UBFD1: variants seen among roughly 807,000 people sequenced by gnomAD.
The protein encoded by UBFD1 is ubiquitin family domain containing 1.
UBFD1 carries 12 observed loss-of-function variants against 35.1 expected under a neutral mutation model. The observed-to-expected ratio is 0.34, with a 90% CI of 0.22 to 0.55. The LOEUF (loss-of-function observed/expected upper bound fraction) is 0.55. Ranked by LOEUF, UBFD1 falls within the 20% of genes least tolerant of loss-of-function variation. UBFD1 has a pLI of 0.89. For missense variants in UBFD1, 337 were observed against 410.8 expected (o/e 0.82, Z 1.55); for synonymous variants, 178 against 167.6 (o/e 1.06, Z -0.48).
rs1966071043 is a variant in UBFD1 at position 23,570,673 on chromosome 16, G to C, written c.*83G>C. Reference sequence around the variant, plus strand: ...AGGCCTGCAGCATCCCTGGATTTCAGAGTTCTGGAACTTTGTTCATAAAAA... The same window carrying C: ...AGGCCTGCAGCATCCCTGGATTTCACAGTTCTGGAACTTTGTTCATAAAAA... On this transcript the variant is annotated 3_prime_UTR_variant, in exon 7 of 7. Transcript: ENST00000395878. 8.6e-7 allele frequency: 1 copy of C among 1,159,572 alleles called. No homozygotes were observed. Among genetic ancestry groups the C allele is most frequent in the Non-Finnish European group, 1.3e-6 (1 of 787,848 alleles). The allele number at this position is 1,159,572 out of a possible 1,614,324, so 71.8% of individuals were successfully genotyped here.
rs1469086029 is a variant in UBFD1 at position 23,562,355 on chromosome 16, C to T, written c.630+84C>T. ...AGGTTCCTCCAATCCTGTCCCTTCT[C>T]TTTTTTCCCTGTTTTTTTTTTTTTG... is the stretch of plus-strand genomic sequence containing the variant. On this transcript the variant is annotated intron_variant, in intron 4 of 6. Transcript: ENST00000395878. The T allele has an allele frequency of 1.3e-5, 17 of 1,277,574 alleles. 1 individual carries two copies. In the East Asian group the frequency reaches 2.7e-4, roughly 20 times the overall value. The allele number at this position is 1,277,574 out of a possible 1,614,324, so 79.1% of individuals were successfully genotyped here. A position where few individuals can be genotyped will look rare whatever the true frequency, so the allele number is the denominator to read the frequency against.
intron 6 of UBFD1, chr16:23,569,183 A>G (rs1022688703): frequency 1.3e-5 from 2 of 152,206 alleles, no homozygotes; most frequent in Admixed American, 1.3e-4. Flanking sequence ...CTATTTCTCT[A>G]GCTAAATTAA....
chr16:23,570,336 G>T, intron 6 of UBFD1, 144 bp from the exon 7 acceptor site: 2 of 647,956 alleles, frequency 3.1e-6, no homozygotes, highest in Non-Finnish European at 5.4e-6. Context: ...TTTTGGTTGG[G>T]AGAATGCTCC....
At chr16:23,561,074 A>G (rs1408774713) in intron 3 of UBFD1, among the ~76,000 whole-genome samples, 1 of 152,224 alleles carries the variant, frequency 6.6e-6, no homozygotes, top group Non-Finnish European at 1.5e-5. Context: ...AAGGTACTTG[A>G]AAGGTGTGAC....
chr16:23,571,110 GATTCAGATT>G lies in UBFD1; in HGVS notation c.*521_*529del, dbSNP rs1368557870. ...AGTAAGCCACATATTTCTGTCCATTGATTCAGATTTAATTCTTTCCCTTTTTCATTCTCT... is the reference window on the plus strand; with the variant it reads ...AGTAAGCCACATATTTCTGTCCATTGTAATTCTTTCCCTTTTTCATTCTCT... On this transcript the variant is annotated 3_prime_UTR_variant, in exon 7 of 7. Transcript: ENST00000395878. The G allele has an allele frequency of 6.6e-6, 1 of 152,210 alleles. No individual in the cohort carries two copies. Among genetic ancestry groups the G allele is most frequent in the Admixed American group, 6.6e-5 (1 of 15,244 alleles). 9.4% of individuals were successfully genotyped at this position (152,210 alleles called of 1,614,324 possible).
intron 5 of UBFD1, 104 bp downstream of exon 5, chr16:23,562,834 C>A: frequency 1.0e-6 from 1 of 967,826 alleles, no homozygotes; most frequent in Non-Finnish European, 1.6e-6. Context: ...AAACCTCTCT[C>A]TCCACTGTGC....
In UBFD1 at chr16:23,570,708, C is replaced by A; in HGVS notation, c.*118C>A. On this transcript the variant is annotated 3_prime_UTR_variant, in exon 7 of 7. Transcript: ENST00000395878. ...ACTTTGTTCATAAAAAATCTATATT[C>A]AATCTGAGGTGATGTGGTGACTGAA... 1 of 776,136 alleles carries A rather than the reference C, an allele frequency of 1.3e-6. No homozygotes were observed. Among genetic ancestry groups the A allele is most frequent in the Non-Finnish European group, 2.1e-6 (1 of 482,974 alleles). The allele number at this position is 776,136 out of a possible 1,614,324, so 48.1% of individuals were successfully genotyped here.
intron 3 of UBFD1, 166 bp downstream of exon 3, chr16:23,559,842 GA>G: frequency 6.5e-7 from 1 of 1,538,120 alleles, no homozygotes; most frequent in Non-Finnish European, 8.7e-7. Context: ...AACTACCTGA[GA>G]TTTGCAACTT....
intron 2 of UBFD1, chr16:23,559,213 G>T: frequency 2.8e-6 from 1 of 358,338 alleles, no homozygotes; most frequent in African/African-American, 2.1e-5. Flanking sequence ...ATTATTCAAT[G>T]CTAGCCACCG....
At chr16:23,567,317 CTT>C (rs1261834770) in intron 6 of UBFD1, among the ~76,000 whole-genome samples, 1 of 152,238 alleles carries the variant, frequency 6.6e-6, no homozygotes, top group African/African-American at 2.4e-5. Context: ...TCTCTTACCT[CTT>C]TTAGAAAAGT....
At chr16:23,560,454 T>C (rs1965914489) in intron 3 of UBFD1, among the ~76,000 whole-genome samples, 1 of 152,182 alleles carries the variant, frequency 6.6e-6, no homozygotes, top group Non-Finnish European at 1.5e-5. Flanking sequence ...CTCAACTGTG[T>C]CTGAAGTAGA....
At chr16:23,565,589 C>G (rs981011414) in intron 5 of UBFD1, 14 of 152,288 alleles carry the variant, frequency 9.2e-5, no homozygotes, top group Admixed American at 3.9e-4. Context: ...TTAGGGCCGA[C>G]TGTTGTAGAG....
chr16:23,559,618 C>T lies in UBFD1; in HGVS notation c.506C>T (p.Ala169Val), dbSNP rs780806967. Residue 169 changes from alanine to valine, a missense_variant, in exon 3 of 7, where the codon GCT (alanine) becomes GTT (valine). Physicochemically the swap from Ala to Val is moderately conservative, Grantham distance 64. Around this residue, in one of 4 missense-constraint regions of UBFD1, gnomAD observed 44 missense variants for 39.2 expected, o/e 1.12. Transcript: ENST00000395878. ...DVLAVNTPKD[A>V]AQQDAKAEEN... ...TTAGCAGTAAACACACCCAAAGATG[C>T]TGCGCAGCAGGATGCAAAGGCCGAA... 7.4e-6 allele frequency: 12 copies of T among 1,614,120 alleles called. No individual in the cohort carries two copies. In the Admixed American group the frequency reaches 2.0e-4, roughly 27 times the overall value.
chr16:23,564,726 T>C (rs992787630), intron 5 of UBFD1: 1 of 152,260 alleles, frequency 6.6e-6, no homozygotes, highest in Non-Finnish European at 1.5e-5. Flanking sequence ...GGATGGGAAC[T>C]AAGTCTGTAA....
rs948542928 is a variant in UBFD1 at position 23,557,935 on chromosome 16, C to G, written c.26-15C>G. On this transcript the variant is annotated splice_polypyrimidine_tract_variant and intron_variant, in intron 1 of 6. Coordinates refer to ENST00000395878, the MANE Select transcript of UBFD1 (RefSeq NM_019116.3). ...CCAGCCCGCGGCGAGCGCCCACCCC[C>G]TAACCCCCTTGCAGGCATGGAGGAA... is the stretch of plus-strand genomic sequence containing the variant. 1.1e-5 allele frequency: 14 copies of G among 1,333,104 alleles called. No homozygotes were observed. Among genetic ancestry groups the G allele is most frequent in the African/African-American group, 6.1e-5 (4 of 65,822 alleles). 82.6% of individuals were successfully genotyped at this position (1,333,104 alleles called of 1,614,324 possible). A position where few individuals can be genotyped will look rare whatever the true frequency, so the allele number is the denominator to read the frequency against.
chr16:23,567,984 G>A (rs1253875306), intron 6 of UBFD1, among the ~76,000 whole-genome samples: 2 of 152,216 alleles, frequency 1.3e-5, no homozygotes, highest in Admixed American at 6.5e-5. Flanking sequence ...AAAATCAAAG[G>A]GGCTTAAAAT....
At chr16:23,560,475 T>C (rs553225396) in intron 3 of UBFD1, among the ~76,000 whole-genome samples, 4 of 152,162 alleles carry the variant, frequency 2.6e-5, no homozygotes, top group Non-Finnish European at 5.9e-5. Context: ...GTAGATAAAC[T>C]TCAATCAACA....
In UBFD1 at chr16:23,574,098, T is replaced by C. The variant is rs564114222; in HGVS notation, c.*3508T>C. Reference sequence around the variant, plus strand: ...TCTCGCATGCAGAACATCTGGTAGATTGATCTGCCAGGCTGGGTGGTTCTA... The same window carrying C: ...TCTCGCATGCAGAACATCTGGTAGACTGATCTGCCAGGCTGGGTGGTTCTA... On this transcript the variant is annotated 3_prime_UTR_variant, in exon 7 of 7. Coordinates refer to ENST00000395878, the MANE Select transcript of UBFD1 (RefSeq NM_019116.3). The C allele has an allele frequency of 2.0e-5, 3 of 152,756 alleles. No homozygotes were observed. The highest frequency in any genetic ancestry group is 4.1e-4 in the South Asian group (2 of 4,828). 9.5% of individuals were successfully genotyped at this position (152,756 alleles called of 1,614,324 possible).
intron 5 of UBFD1, among the ~76,000 whole-genome samples, chr16:23,563,481 G>T (rs1965968108): frequency 6.6e-6 from 1 of 152,088 alleles, no homozygotes; most frequent in Non-Finnish European, 1.5e-5. Flanking sequence ...CTGCAGAACT[G>T]TCTGTCCCTT....
Sources: allele counts gnomAD v4.1 joint callset (sites outside exome capture counted in the v4.1 genomes callset), GRCh38; gene constraint gnomAD v4.1.1; regional missense constraint gnomAD v4.1.1; transcripts MANE v1.5; gene names NCBI Gene and HGNC (gene_info 2026-07-23, HGNC 2026-07-21).